The following KRT15 variants were observed in gnomAD, a reference collection of about 807,000 sequenced individuals.
The protein encoded by KRT15 is keratin 15, also known as keratin, type I cytoskeletal 15.
In KRT15, 45 loss-of-function variants were observed where a neutral mutation model predicts 46.6. The ratio of observed to expected loss-of-function variants is 0.97; its 90% CI spans 0.76 to 1.24. KRT15 has a LOEUF of 1.24. Ranked by LOEUF, KRT15 falls within the 50% of genes most tolerant of loss-of-function variation. The probability of loss-of-function intolerance (pLI) is 0.00; values close to 1 mark genes in which losing one functional copy is unlikely to be tolerated. For missense variants in KRT15, 592 were observed against 588.9 expected, an observed-to-expected ratio of 1.01 and a Z score of -0.05; for synonymous variants, 221 against 233.8, an observed-to-expected ratio of 0.95 and a Z score of 0.50.
rs201420219 is a variant in KRT15 at position 41,518,704 on chromosome 17, G to A, written c.124C>T (p.Arg42Ter). 153 of 1,612,054 alleles carry A rather than the reference G, an allele frequency of 9.5e-5. No homozygotes were observed. The highest frequency in any genetic ancestry group is 1.2e-4 in the Non-Finnish European group (146 of 1,178,756). Residue 42 changes from arginine to a stop codon, truncating the protein, a stop_gained, in exon 1 of 8, where the codon CGA becomes TGA. Coordinates refer to ENST00000254043, the MANE Select transcript of KRT15 (RefSeq NM_002275.4). LOFTEE classifies it high-confidence loss of function. ...CTAGCAGAAGAAGCTGAGATACTTC[G>A]GCTTCCACCTCCCCCAGAGAGACTC... The part of the protein sequence containing the change: ...GGSLSGGGGS[R>*]SISASSARFV...
chr17:41,514,552 T>A, intron 7 of KRT15, 97 bp downstream of exon 7: 1 of 1,148,270 alleles, frequency 8.7e-7, no homozygotes, highest in South Asian at 1.3e-5. Flanking sequence ...CCTAATGGGA[T>A]GTTTGGGCTC....
chr17:41,514,153 G>GA, intron 7 of KRT15, 33 bp from the exon 8 acceptor site: 1 of 1,555,120 alleles, frequency 6.4e-7, no homozygotes, highest in Non-Finnish European at 8.9e-7. Context: ...TTAGAGTGGG[G>GA]GAACCTCCCC....
rs942331400 is a variant in KRT15 at position 41,513,897 on chromosome 17, G to A, written c.*126C>T. ...ATGCAAAGCCCTGAAATAAAAGACCGAGGGACCCTTTTCAGCTCTCTGAAG... is the reference window on the plus strand; with the variant it reads ...ATGCAAAGCCCTGAAATAAAAGACCAAGGGACCCTTTTCAGCTCTCTGAAG... On this transcript the variant is annotated 3_prime_UTR_variant, in exon 8 of 8. Coordinates refer to ENST00000254043, the MANE Select transcript of KRT15 (RefSeq NM_002275.4). 2.6e-5 allele frequency: 20 copies of A among 756,236 alleles called. No homozygotes were observed. Among genetic ancestry groups the A allele is most frequent in the Admixed American group, 1.5e-4 (8 of 53,854 alleles). 46.8% of individuals were successfully genotyped at this position (756,236 alleles called of 1,614,324 possible). A position where few individuals can be genotyped will look rare whatever the true frequency, so the allele number is the denominator to read the frequency against.
At chr17:41,518,288 A>G (rs3744784) in intron 1 of KRT15, 42 bp downstream of exon 1, 533,937 of 1,580,490 alleles carry the variant, frequency 0.34, 94,868 homozygotes, top group Non-Finnish European at 0.37. Flanking sequence ...TGTACAGGGT[A>G]CCAGCCACCT....
At chr17:41,514,234 T>C (rs1330552223) in intron 7 of KRT15, 114 bp from the exon 8 acceptor site, 27 of 782,920 alleles carry the variant, frequency 3.4e-5, no homozygotes, top group Non-Finnish European at 4.9e-5. Context: ...GAATGGCCAC[T>C]GGCCAATCCC....
Position 41,515,621 on chromosome 17 carries a change from C to A in KRT15, c.1098G>T (p.Gly366=), listed in dbSNP as rs763206733. Residue 366 remains glycine, a synonymous_variant, in exon 6 of 8, where the codon GGG becomes GGT. Coordinates refer to ENST00000254043, the MANE Select transcript of KRT15 (RefSeq NM_002275.4). Reference sequence around the variant, plus strand: ...GCTGGGCCTCCAGGCCACCAATGAGCCCCTGGATCTGCTGCAGCTGCGTGG... The same window carrying A: ...GCTGGGCCTCCAGGCCACCAATGAGACCCTGGATCTGCTGCAGCTGCGTGG... ...RYATQLQQIQ[G]LIGGLEAQLS... 1 of 1,614,198 alleles carries A rather than the reference C, an allele frequency of 6.2e-7. No individual in the cohort carries two copies. Among genetic ancestry groups the A allele is most frequent in the Non-Finnish European group, 8.5e-7 (1 of 1,180,044 alleles).
In KRT15 at chr17:41,515,535, A is replaced by G. The variant is rs142005107; in HGVS notation, c.1184T>C (p.Ile395Thr). The change falls in exon 6 of 8, where the codon ATA becomes ACA. Residue 395 changes from isoleucine to threonine, a missense_variant. By Grantham distance (89) the Ile-to-Thr change is moderately conservative. Transcript: ENST00000254043. ...GATCTCCTGCTCCAGCCGTGTCTTT[A>G]TGTCAAGCAGCATCTTGTACTCCTG... is the stretch of plus-strand genomic sequence containing the variant. ...QNQEYKMLLDIKTRLEQEIAT... is the reference protein window; with the variant it reads ...QNQEYKMLLDTKTRLEQEIAT... 1.2e-6 allele frequency: 2 copies of G among 1,614,036 alleles called. No homozygotes were observed. The highest frequency in any genetic ancestry group is 1.7e-5 in the Admixed American group (1 of 60,022).
Position 41,518,689 on chromosome 17 carries a change from A to C in KRT15, c.139T>G (p.Ser47Ala). Residue 47 changes from serine (S) to alanine (A), a missense_variant, in exon 1 of 8, where the codon TCT becomes GCT. Ser to Ala is a moderately conservative substitution (Grantham distance 99). Coordinates refer to ENST00000254043, the MANE Select transcript of KRT15 (RefSeq NM_002275.4). ...CCTGAAGAGACAAACCTAGCAGAAG[A>C]AGCTGAGATACTTCGGCTTCCACCT... is the stretch of plus-strand genomic sequence containing the variant. ...GGGGSRSISA[S>A]SARFVSSGSG... 1 of 1,612,812 alleles carries C rather than the reference A, an allele frequency of 6.2e-7. No individual in the cohort carries two copies. The highest frequency in any genetic ancestry group is 8.5e-7 in the Non-Finnish European group (1 of 1,179,324).
chr17:41,518,726 A>G lies in KRT15; in HGVS notation c.102T>C (p.Ser34=). 2.1e-6 allele frequency: 3 copies of G among 1,457,406 alleles called. No homozygotes were observed. The highest frequency in any genetic ancestry group is 1.9e-6 in the Non-Finnish European group (2 of 1,049,286). 90.3% of individuals were successfully genotyped at this position (1,457,406 alleles called of 1,614,324 possible). A position where few individuals can be genotyped will look rare whatever the true frequency, so the allele number is the denominator to read the frequency against. ...LAGGGGFGGG[S]LSGGGGSRSI... ...TTCGGCTTCCACCTCCCCCAGAGAG[A>G]CTCCCCCCACCAAAGCCACCTCCCC... Residue 34 remains serine (S), a synonymous_variant, in exon 1 of 8, where the codon AGT becomes AGC. Transcript: ENST00000254043.
At position 41,516,840 on chromosome 17, in the gene KRT15, C is replaced by G. The variant is rs747103036; in HGVS notation, c.706G>C (p.Glu236Gln). 4 of 1,614,246 alleles carry G rather than the reference C, an allele frequency of 2.5e-6. No homozygotes were observed. In the Admixed American group the frequency reaches 6.7e-5, roughly 27 times the overall value. The change falls in exon 3 of 8, where the codon GAG becomes CAG. Residue 236 changes from glutamate (E) to glutamine (Q), a missense_variant. Glu to Gln is a conservative substitution (Grantham distance 29). Coordinates refer to ENST00000254043, the MANE Select transcript of KRT15 (RefSeq NM_002275.4). ...TGGTTCTTCTTCAGGTAGGCTAGCT[C>G]CTCATTCAGGCCCTCGATCTGCATC... ...LEMQIEGLNE[E>Q]LAYLKKNHEE...
rs1905314240 is a variant in KRT15, at chr17:41,515,573, C to T, written c.1146G>A (p.Met382Ile). 1 of 1,614,168 alleles carries T rather than the reference C, an allele frequency of 6.2e-7. No individual in the cohort carries two copies. Among genetic ancestry groups the T allele is most frequent in the Non-Finnish European group, 8.5e-7 (1 of 1,180,046 alleles). The change falls in exon 6 of 8, where the codon ATG (methionine) becomes ATA (isoleucine). Residue 382 changes from methionine (M) to isoleucine (I), a missense_variant. Transcript: ENST00000254043. ...EAQLSELRCE[M>I]EAQNQEYKML... ...TCTTGTACTCCTGGTTCTGAGCCTC[C>T]ATCTCGCATCGGAGCTCACTCAGCT...
intron 4 of KRT15, 33 bp from the exon 5 acceptor site, chr17:41,516,043 G>A (rs778079498): frequency 6.2e-7 from 1 of 1,614,156 alleles, no homozygotes; most frequent in East Asian, 2.2e-5. Flanking sequence ...GTGAGCCCCG[G>A]GGCCTCCTCG....
In KRT15 at chr17:41,516,137, GTTC is replaced by G. The variant is rs1567718418; in HGVS notation, c.864_866del (p.Lys288del). The G allele has an allele frequency of 6.2e-7, 1 of 1,614,172 alleles. No homozygotes were observed. Among genetic ancestry groups the G allele is most frequent in the African/African-American group, 1.3e-5 (1 of 75,046 alleles). Reference sequence around the variant, plus strand: ...AGAACCAGGCCTCGACATCCCGGCGGTTCTTCTCCGCCATGGCCTCGTACTGCT... The same window carrying G: ...AGAACCAGGCCTCGACATCCCGGCGGTTCTCCGCCATGGCCTCGTACTGCT... On this transcript the variant is annotated inframe_deletion, in exon 4 of 8. Coordinates refer to ENST00000254043, the MANE Select transcript of KRT15 (RefSeq NM_002275.4).
intron 6 of KRT15, 134 bp from the exon 7 acceptor site, chr17:41,514,808 G>C (rs1159756043): frequency 1.3e-6 from 1 of 794,698 alleles, no homozygotes; most frequent in African/African-American, 1.7e-5. Context: ...CTCCTCTAGG[G>C]GTGGGACATC....
chr17:41,517,384 C>T, intron 1 of KRT15: 2 of 567,044 alleles, frequency 3.5e-6, no homozygotes, highest in Admixed American at 6.1e-5. Flanking sequence ...CCTTGAGACA[C>T]CTGAGGAGCT....
At position 41,513,986 on chromosome 17, in the gene KRT15, G is replaced by T; in HGVS notation, c.*37C>A. ...GTCCTCCACTTGGCCTGATGAGAGT[G>T]GGGAGTGGCAAGGGACGTTTCTCCT... On this transcript the variant is annotated 3_prime_UTR_variant, in exon 8 of 8. Coordinates refer to ENST00000254043, the MANE Select transcript of KRT15 (RefSeq NM_002275.4). The T allele has an allele frequency of 6.8e-7, 1 of 1,461,622 alleles. No individual in the cohort carries two copies. Among genetic ancestry groups the T allele is most frequent in the South Asian group, 1.1e-5 (1 of 87,860 alleles). 90.5% of individuals were successfully genotyped at this position (1,461,622 alleles called of 1,614,324 possible). A position where few individuals can be genotyped will look rare whatever the true frequency, so the allele number is the denominator to read the frequency against.
chr17:41,515,893 G>C lies in KRT15; in HGVS notation c.1018C>G (p.Leu340Val). The C allele has an allele frequency of 6.2e-7, 1 of 1,614,032 alleles. No individual in the cohort carries two copies. Among genetic ancestry groups the C allele is most frequent in the South Asian group, 1.1e-5 (1 of 91,076 alleles). Residue 340 changes from leucine (L) to valine (V), a missense_variant, in exon 5 of 8, where the codon CTC becomes GTC. By Grantham distance (32) the Leu-to-Val change is conservative. Transcript: ENST00000254043. ...GGCGCGAGTGGCCGTACCATGCTGA[G>C]CTGGGACTGCAGCTCGATCTCCAGC... ...QELEIELQSQ[L>V]SMKAGLENSL... is the part of the protein sequence containing the mutation.
At chr17:41,515,082 G>C (rs1905289983) in intron 6 of KRT15, 1 of 290,068 alleles carries the variant, frequency 3.4e-6, no homozygotes, top group South Asian at 4.7e-5. Flanking sequence ...GGCCATGCTG[G>C]TCTCGAACTC....
Position 41,516,008 on chromosome 17 carries a change from A to C in KRT15, c.903T>G (p.Thr301=). Residue 301 remains threonine (T), a splice_region_variant and synonymous_variant, in exon 5 of 8, where the codon ACT becomes ACG. Coordinates refer to ENST00000254043, the MANE Select transcript of KRT15 (RefSeq NM_002275.4). ...RDVEAWFFSK[T]EELNKEVASN... ...AGGCCACCTCTTTGTTCAGCTCCTCAGTCTGTAGGTCATGCACAACAGAAG... is the reference window on the plus strand; with the variant it reads ...AGGCCACCTCTTTGTTCAGCTCCTCCGTCTGTAGGTCATGCACAACAGAAG... 6.2e-7 allele frequency: 1 copy of C among 1,614,128 alleles called. No homozygotes were observed. The highest frequency in any genetic ancestry group is 8.5e-7 in the Non-Finnish European group (1 of 1,179,998).
Sources: allele counts gnomAD v4.1 joint callset, GRCh38; gene constraint gnomAD v4.1.1; transcripts MANE v1.5; gene names NCBI Gene and HGNC (gene_info 2026-07-23, HGNC 2026-07-21).